SFMBT2: variants seen among roughly 807,000 people sequenced by gnomAD.
SFMBT2 encodes the protein scm-like with four MBT domains protein 2.
Under a neutral mutation model 110.1 loss-of-function variants are expected in SFMBT2, and 38 were observed. That is an observed-to-expected ratio of 0.35 (90% CI 0.27 to 0.45). SFMBT2 has a LOEUF of 0.45. SFMBT2 is among the 20% of genes least tolerant of loss of function. The probability of loss-of-function intolerance (pLI) is 1.00; values close to 1 mark genes in which losing one functional copy is unlikely to be tolerated. For synonymous variants in SFMBT2, 425 were observed against 425.4 expected (o/e 1.00, Z 0.01); for missense variants, 1,011 against 1,094.9 (o/e 0.92, Z 1.08).
intron 4 of SFMBT2, among the ~76,000 whole-genome samples, chr10:7,349,440 C>CTTT (rs369479041): frequency 0.2 from 9,484 of 46,820 alleles, 2,605 homozygotes; most frequent in South Asian, 0.3. Context: ...CTTTTCTTTT[C>CTTT]TTTTTTTTTT....
intron 10 of SFMBT2, among the ~76,000 whole-genome samples, chr10:7,221,702 T>G (rs1564391414): frequency 1.3e-5 from 2 of 152,238 alleles, no homozygotes; most frequent in Non-Finnish European, 2.9e-5. Flanking sequence ...CCTTTGTTCT[T>G]TTTGTTTATT....
chr10:7,202,001 C>T (rs369649882), intron 13 of SFMBT2, among the ~76,000 whole-genome samples: 1 of 152,214 alleles, frequency 6.6e-6, no homozygotes, highest in Non-Finnish European at 1.5e-5. Context: ...CACTGAGGGG[C>T]AGAGAATTAA....
At chr10:7,397,341 G>C (rs926100876) in intron 1 of SFMBT2, among the ~76,000 whole-genome samples, 3 of 151,714 alleles carry the variant, frequency 2.0e-5, no homozygotes, top group African/African-American at 4.8e-5. Context: ...TCTGCAAAGG[G>C]AAAGGGCTTG....
chr10:7,263,972 A>G (rs956535874), intron 7 of SFMBT2: 62 of 214,326 alleles, frequency 2.9e-4, no homozygotes, highest in African/African-American at 1.4e-3. Flanking sequence ...TTAAATCTAT[A>G]ATCACACTGA....
chr10:7,328,753 T>A (rs989054666), intron 4 of SFMBT2, among the ~76,000 whole-genome samples: 2 of 152,196 alleles, frequency 1.3e-5, no homozygotes, highest in African/African-American at 2.4e-5. Flanking sequence ...CTTTCTGAGG[T>A]CATCCTTTCT....
At position 7,197,534 on chromosome 10, in the gene SFMBT2, T is replaced by G; in HGVS notation, c.1698+14A>C. ...CTGTTAAAATAAGCCAAGGTGATTGTGCACGGGCTTTACCTCTTTAAGAAC... is the reference window on the plus strand; with the variant it reads ...CTGTTAAAATAAGCCAAGGTGATTGGGCACGGGCTTTACCTCTTTAAGAAC... On this transcript the variant is annotated intron_variant, in intron 15 of 20. Coordinates refer to ENST00000397167, the MANE Select transcript of SFMBT2 (RefSeq NM_001387889.1). 6.2e-7 allele frequency: 1 copy of G among 1,612,786 alleles called. No homozygotes were observed. Among genetic ancestry groups the G allele is most frequent in the Non-Finnish European group, 8.5e-7 (1 of 1,179,122 alleles).
intron 16 of SFMBT2, among the ~76,000 whole-genome samples, chr10:7,178,238 C>A (rs1009086376): frequency 6.6e-6 from 1 of 152,126 alleles, no homozygotes; most frequent in Non-Finnish European, 1.5e-5. Context: ...CTTTCCTTCT[C>A]GGTTCACATC....
intron 10 of SFMBT2, 41 bp from the exon 11 acceptor site, chr10:7,220,578 C>T (rs1416963541): frequency 1.2e-6 from 2 of 1,612,012 alleles, no homozygotes; most frequent in Admixed American, 1.7e-5. Flanking sequence ...AGTGCTGACG[C>T]AGCAGGACAA....
intron 4 of SFMBT2, chr10:7,329,534 C>T (rs1843502809): frequency 1.0e-6 from 1 of 985,282 alleles, no homozygotes; most frequent in South Asian, 4.7e-5. Flanking sequence ...GCTGCAGGTA[C>T]CTCTGCTGGG....
chr10:7,381,702 G>C, intron 2 of SFMBT2, 97 bp downstream of exon 2: 1 of 1,293,668 alleles, frequency 7.7e-7, no homozygotes, highest in South Asian at 1.4e-5. Context: ...CAGTATGTGA[G>C]ATCTACAAAT....
chr10:7,290,938 T>C (rs1842245582), intron 4 of SFMBT2, among the ~76,000 whole-genome samples: 1 of 152,222 alleles, frequency 6.6e-6, no homozygotes, highest in Non-Finnish European at 1.5e-5. Flanking sequence ...CCACTAATGT[T>C]GGATTTCAAG....
rs1564418007 is a variant in SFMBT2 at position 7,276,983 on chromosome 10, T to C, written c.779A>G (p.Tyr260Cys). Residue 260 changes from tyrosine to cysteine, a missense_variant, in exon 7 of 21, where the codon TAT (tyrosine) becomes TGT (cysteine). This residue lies in a region of SFMBT2 where 979 missense variants were observed against 1,016.1 expected (regional missense o/e 0.96). Coordinates refer to ENST00000397167, the MANE Select transcript of SFMBT2 (RefSeq NM_001387889.1). ...KYRMDPPSEI[Y>C]PLKMASEWKC... ...CCATTCAGAGGCCATCTTCAAAGGA[T>C]AGATTTCTGTATCAACAGCAAATCA... 1.1e-6 allele frequency: 1 copy of C among 872,020 alleles called. No homozygotes were observed. The highest frequency in any genetic ancestry group is 2.0e-6 in the Non-Finnish European group (1 of 500,926). The allele number at this position is 872,020 out of a possible 1,614,324, so 54.0% of individuals were successfully genotyped here.
chr10:7,396,344 C>T (rs1588509451), intron 1 of SFMBT2, among the ~76,000 whole-genome samples: 1 of 152,196 alleles, frequency 6.6e-6, no homozygotes, highest in African/African-American at 2.4e-5. Flanking sequence ...GAAACCCCAA[C>T]GTTAGTGAAT....
chr10:7,266,489 A>C (rs984557014), intron 7 of SFMBT2, among the ~76,000 whole-genome samples: 4 of 152,184 alleles, frequency 2.6e-5, no homozygotes, highest in Admixed American at 2.0e-4. Context: ...CATTATACAA[A>C]GGCCTTAGGC....
chr10:7,207,398 G>A (rs1376534418), intron 11 of SFMBT2, among the ~76,000 whole-genome samples: 1 of 68,866 alleles, frequency 1.5e-5, no homozygotes, highest in Non-Finnish European at 3.3e-5. Context: ...GAAAGAAAGA[G>A]AGAAAGGAAA....
chr10:7,284,342 T>C (rs1016892979), intron 5 of SFMBT2, 192 bp from the exon 6 acceptor site: 5 of 1,120,306 alleles, frequency 4.5e-6, no homozygotes, highest in African/African-American at 3.2e-5. Flanking sequence ...CACACATCCA[T>C]GTACCCCATT....
chr10:7,164,556 T>G (rs1352344131), intron 20 of SFMBT2, among the ~76,000 whole-genome samples: 3 of 152,102 alleles, frequency 2.0e-5, no homozygotes, highest in Non-Finnish European at 4.4e-5. Flanking sequence ...CAAGTCACTC[T>G]CCACCCCAGG....
Position 7,393,023 on chromosome 10 carries a change from AT to A in SFMBT2, c.-51-11075del, listed in dbSNP as rs1564473105. Among the ~76,000 whole-genome samples, 514 of 65,284 alleles carry A rather than the reference AT, an allele frequency of 7.9e-3. 11 individuals carry two copies. The highest frequency in any genetic ancestry group is 0.048 in the African/African-American group (305 of 6,390). The allele number at this position is 65,284 out of a possible 152,430, so 42.8% of individuals were successfully genotyped here. On this transcript the variant is annotated intron_variant, in intron 1 of 20. Transcript: ENST00000397167. The stretch of plus-strand genomic sequence containing the variant: ...TATATATATATATATATATATATAT[AT>A]ATATATATATAATTTTTTTTTTTTT...
intron 10 of SFMBT2, among the ~76,000 whole-genome samples, chr10:7,225,835 C>A (rs73615419): frequency 0.027 from 4,166 of 152,216 alleles, 81 homozygotes; most frequent in African/African-American, 0.044. Context: ...TTGTCAGGTA[C>A]AAAACACAAT....
Sources: allele counts gnomAD v4.1 joint callset (sites outside exome capture counted in the v4.1 genomes callset), GRCh38; gene constraint gnomAD v4.1.1; regional missense constraint gnomAD v4.1.1; transcripts MANE v1.5; gene names NCBI Gene and HGNC (gene_info 2026-07-23, HGNC 2026-07-21).